Variants in ZNF202 observed in about 807,000 individuals in gnomAD.
ZNF202 encodes zinc finger protein 202.
A neutral mutation model predicts 54.5 loss-of-function variants in ZNF202; 22 were observed. That is an observed-to-expected ratio of 0.40 (90% CI 0.29 to 0.58). ZNF202 has a LOEUF of 0.58. Ranked by LOEUF, ZNF202 falls within the 20% of genes least tolerant of loss-of-function variation. The probability of loss-of-function intolerance (pLI) is 0.39; values close to 1 mark genes in which losing one functional copy is unlikely to be tolerated. For missense variants in ZNF202, 644 were observed against 805.5 expected (o/e 0.80, Z 2.43); for synonymous variants, 294 against 301.4 (o/e 0.98, Z 0.26).
At chr11:123,729,976 A>G (rs992350991) in intron 4 of ZNF202, 151 bp from the exon 5 acceptor site, 1 of 803,482 alleles carries the variant, frequency 1.2e-6, no homozygotes, top group African/African-American at 1.7e-5. Flanking sequence ...GGAGCAGGCA[A>G]GGAGGAGCTG....
chr11:123,732,772 T>C (rs1042347131), intron 3 of ZNF202, among the ~76,000 whole-genome samples: 23 of 152,214 alleles, frequency 1.5e-4, no homozygotes, highest in African/African-American at 4.8e-4. Flanking sequence ...AATAAAACTC[T>C]ACTCCAAAGC....
At chr11:123,727,694 T>C (rs914871243) in intron 7 of ZNF202, 99 bp from the exon 8 acceptor site, 3 of 1,453,248 alleles carry the variant, frequency 2.1e-6, no homozygotes, top group African/African-American at 1.4e-5. Flanking sequence ...GGCAAATACA[T>C]AGCTAGCTCA....
At chr11:123,741,165 T>C (rs567148142) in intron 1 of ZNF202, among the ~76,000 whole-genome samples, 3 of 151,458 alleles carry the variant, frequency 2.0e-5, no homozygotes, top group Admixed American at 6.6e-5. Flanking sequence ...CTGCGGAAAA[T>C]AAAGGGGCCT....
Position 123,726,743 on chromosome 11 carries a change from C to A in ZNF202, c.1201G>T (p.Val401Leu), listed in dbSNP as rs1414561363. Residue 401 changes from valine (V) to leucine (L), a missense_variant, in exon 9 of 9, where the codon GTG becomes TTG. By Grantham distance (32) the Val-to-Leu change is conservative. Around this residue, in one of 3 missense-constraint regions of ZNF202, gnomAD observed 536 missense variants for 635.3 expected, o/e 0.84. Transcript: ENST00000530393. This position sits in a 1 kb window ranked among gnomAD's most constrained non-coding sequence, Gnocchi z 6.0. Reference protein sequence around the residue: ...PLLGRHHDCSVCGKSFTCNSH... With the variant: ...PLLGRHHDCSLCGKSFTCNSH... ...TTACAAGTGAAGCTCTTTCCACACA[C>A]AGAACAGTCATGATGCCTCCCTAAC... 6.2e-7 allele frequency: 1 copy of A among 1,614,108 alleles called. No individual in the cohort carries two copies. Among genetic ancestry groups the A allele is most frequent in the Non-Finnish European group, 8.5e-7 (1 of 1,180,050 alleles).
rs1014208930 is a variant in ZNF202, at chr11:123,730,059, C to T, written c.403-234G>A. 6.6e-6 allele frequency among the ~76,000 whole-genome samples: 1 copy of T among 152,124 alleles called. No individual in the cohort carries two copies. The highest frequency in any genetic ancestry group is 2.4e-5 in the African/African-American group (1 of 41,430). On this transcript the variant is annotated intron_variant, in intron 4 of 8. Transcript: ENST00000530393. The surrounding 1 kb of genome is among the most constrained non-coding windows in gnomAD (Gnocchi z 6.0). ...GCTCTCTCACCACCCCCAGCCTGGG[C>T]CCCTGTCACCCAAGGTTCCTTCCCA...
chr11:123,733,787 G>A (rs1476300483), intron 3 of ZNF202, among the ~76,000 whole-genome samples: 3 of 152,106 alleles, frequency 2.0e-5, no homozygotes, highest in South Asian at 2.1e-4. Context: ...TATTTAGATC[G>A]ATGCCTTCAA....
chr11:123,731,984 G>A (rs1565526251), intron 3 of ZNF202, among the ~76,000 whole-genome samples: 1 of 152,148 alleles, frequency 6.6e-6, no homozygotes, highest in Admixed American at 6.5e-5. Context: ...AAAATGCATT[G>A]CTGATCTCCC....
chr11:123,733,275 C>T (rs1457848128), intron 3 of ZNF202, among the ~76,000 whole-genome samples: 1 of 152,206 alleles, frequency 6.6e-6, no homozygotes, highest in African/African-American at 2.4e-5. Flanking sequence ...TCTCAAAACG[C>T]TTCTAATTCA....
At chr11:123,729,444 A>C (rs1239395843) in intron 5 of ZNF202, among the ~76,000 whole-genome samples, 171 bp downstream of exon 5, 1 of 152,156 alleles carries the variant, frequency 6.6e-6, no homozygotes, top group Admixed American at 6.5e-5. Flanking sequence ...GGCCCTGTTT[A>C]TGGGGGACTC....
At chr11:123,727,698 T>A in intron 7 of ZNF202, 103 bp from the exon 8 acceptor site, 1 of 1,429,392 alleles carries the variant, frequency 7.0e-7, no homozygotes, top group Non-Finnish European at 9.5e-7. Flanking sequence ...AATACATAGC[T>A]AGCTCAGGTG....
intron 7 of ZNF202, 59 bp downstream of exon 7, chr11:123,728,074 T>C: frequency 6.4e-7 from 1 of 1,565,782 alleles, no homozygotes; most frequent in Non-Finnish European, 8.7e-7. Context: ...CCCCCAAAAT[T>C]TCCAGCAGGA....
Position 123,726,986 on chromosome 11 carries a change from T to C in ZNF202, c.958A>G (p.Arg320Gly), listed in dbSNP as rs755079134. ...AGACACTCTTCCTCATCTTTACTCCTATCTCCTGTAGAAAGGGTGAGAGGA... is the reference window on the plus strand; with the variant it reads ...AGACACTCTTCCTCATCTTTACTCCCATCTCCTGTAGAAAGGGTGAGAGGA... ...EILSFTYTGD[R>G]SKDEEECLEQ... The change falls in exon 9 of 9, where the codon AGG (arginine) becomes GGG (glycine). Residue 320 changes from arginine (R) to glycine (G), a missense_variant. By Grantham distance (125) the Arg-to-Gly change is moderately radical (BLOSUM62 -2). Transcript: ENST00000530393. The surrounding 1 kb of genome is among the most constrained non-coding windows in gnomAD (Gnocchi z 6.0). 6.8e-6 allele frequency: 11 copies of C among 1,610,178 alleles called. No homozygotes were observed. Among genetic ancestry groups the C allele is most frequent in the African/African-American group, 5.3e-5 (4 of 74,826 alleles).
chr11:123,730,562 T>G lies in ZNF202; in HGVS notation c.327A>C (p.Gln109His), dbSNP rs778910898. The G allele has an allele frequency of 1.3e-6, 2 of 1,587,288 alleles. No individual in the cohort carries two copies. ...PGELQSWVRGQRPESGEEAVT... is the reference protein window; with the variant it reads ...PGELQSWVRGHRPESGEEAVT... Reference sequence around the variant, plus strand: ...CTGCCTCCTCGCCACTTTCTGGCCGTTGGCCCCGCACCCAGCTCTGTAGTT... The same window carrying G: ...CTGCCTCCTCGCCACTTTCTGGCCGGTGGCCCCGCACCCAGCTCTGTAGTT... Residue 109 changes from glutamine (Q) to histidine (H), a missense_variant, in exon 4 of 9, where the codon CAA (glutamine) becomes CAC (histidine). Around this residue, in one of 3 missense-constraint regions of ZNF202, gnomAD observed 62 missense variants for 122.8 expected, o/e 0.50. Transcript: ENST00000530393. The surrounding 1 kb of genome is among the most constrained non-coding windows in gnomAD (Gnocchi z 6.0).
In ZNF202 at chr11:123,735,682, G is replaced by A. The variant is rs137970704; in HGVS notation, c.-98+4435C>T. The stretch of plus-strand genomic sequence containing the variant: ...TAACGTACCCAAGAGCCCTTGTAAA[G>A]GATAAAGCCCTCTGCAGATAACCAG... On this transcript the variant is annotated intron_variant, in intron 3 of 8. Coordinates refer to ENST00000530393, the MANE Select transcript of ZNF202 (RefSeq NM_003455.4). 5.1e-4 allele frequency among the ~76,000 whole-genome samples: 77 copies of A among 152,280 alleles called. 1 individual carries two copies. The East Asian group carries it at 0.013, about 25-fold the overall frequency.
Position 123,725,766 on chromosome 11 carries a change from G to A in ZNF202, c.*231C>T. ...GAGGCAGGTGCACTCCAGTGAAGGAGAAGCCTCAATTCAGGTTGTACTTTG... is the reference window on the plus strand; with the variant it reads ...GAGGCAGGTGCACTCCAGTGAAGGAAAAGCCTCAATTCAGGTTGTACTTTG... On this transcript the variant is annotated 3_prime_UTR_variant, in exon 9 of 9. Transcript: ENST00000530393. 1.9e-6 allele frequency: 1 copy of A among 528,216 alleles called. No homozygotes were observed. Among genetic ancestry groups the A allele is most frequent in the Non-Finnish European group, 3.3e-6 (1 of 301,510 alleles). 32.7% of individuals were successfully genotyped at this position (528,216 alleles called of 1,614,324 possible).
intron 6 of ZNF202, among the ~76,000 whole-genome samples, chr11:123,728,915 A>G (rs1861277271): frequency 6.6e-6 from 1 of 152,148 alleles, no homozygotes; most frequent in African/African-American, 2.4e-5. Context: ...CTTCTAGTCA[A>G]TGGCAAATAA....
At chr11:123,729,567 C>A in intron 5 of ZNF202, 48 bp downstream of exon 5, 1 of 1,474,702 alleles carries the variant, frequency 6.8e-7, no homozygotes, top group Non-Finnish European at 9.0e-7. Flanking sequence ...TGTCCCCCTC[C>A]TTGCCTGCCT....
chr11:123,728,440 C>G (rs1274232039), intron 6 of ZNF202, among the ~76,000 whole-genome samples, 178 bp from the exon 7 acceptor site: 1 of 151,998 alleles, frequency 6.6e-6, no homozygotes, highest in African/African-American at 2.4e-5. Flanking sequence ...GGCCCTGCCC[C>G]CTCCAACTCC....
intron 3 of ZNF202, chr11:123,739,477 C>T (rs768468645): frequency 8.5e-5 from 13 of 152,048 alleles, no homozygotes; most frequent in Non-Finnish European, 1.5e-4. Flanking sequence ...AGAATTTTAG[C>T]AATACTAGGA....
Sources: allele counts gnomAD v4.1 joint callset (sites outside exome capture counted in the v4.1 genomes callset), GRCh38; gene constraint gnomAD v4.1.1; regional missense constraint gnomAD v4.1.1; non-coding constraint Gnocchi (gnomAD v3.1); transcripts MANE v1.5; gene names NCBI Gene and HGNC (gene_info 2026-07-23, HGNC 2026-07-21).